Variants in CSMD1 observed in about 807,000 individuals in gnomAD.
CSMD1 encodes CUB and Sushi multiple domains 1.
Under a neutral mutation model 417.5 loss-of-function variants are expected in CSMD1, and 213 were observed. That is an observed-to-expected ratio of 0.51 (90% confidence interval 0.46 to 0.57). The LOEUF is 0.57. Among genes scored for constraint, CSMD1 ranks in the 20% least tolerant of loss-of-function variants. The pLI, the probability that CSMD1 is intolerant of heterozygous loss-of-function variation, is 0.00. For synonymous variants in CSMD1, 2,862 were observed against 1,736.8 expected, an observed-to-expected ratio of 1.65 and a Z score of -16.11; for missense variants, 6,923 against 4,529.7, an observed-to-expected ratio of 1.53 and a Z score of -15.17.
intron 4 of CSMD1, among the ~76,000 whole-genome samples, chr8:4,023,099 T>G (rs1162955351): frequency 6.6e-6 from 1 of 152,182 alleles, no homozygotes; most frequent in Non-Finnish European, 1.5e-5. Context: ...GAGCTTCAGC[T>G]AATGCAGTGG....
chr8:3,507,132 G>C (rs1796860302), intron 10 of CSMD1, among the ~76,000 whole-genome samples: 1 of 152,136 alleles, frequency 6.6e-6, no homozygotes, highest in South Asian at 2.1e-4. Context: ...TGAATAAACA[G>C]AATTTACATA....
At chr8:4,827,035 C>G (rs913804503) in intron 1 of CSMD1, among the ~76,000 whole-genome samples, 6 of 151,940 alleles carry the variant, frequency 3.9e-5, no homozygotes, top group Non-Finnish European at 7.4e-5. Flanking sequence ...ATGTTTGTAT[C>G]CATGGATGGC....
At chr8:4,802,296 A>T (rs1422859206) in intron 1 of CSMD1, among the ~76,000 whole-genome samples, 13 of 152,070 alleles carry the variant, frequency 8.5e-5, no homozygotes, top group Admixed American at 8.5e-4. Context: ...TTTCAGGCTC[A>T]TCTTGACCTA....
chr8:4,331,758 T>C (rs750445893), intron 3 of CSMD1, among the ~76,000 whole-genome samples: 1 of 152,196 alleles, frequency 6.6e-6, no homozygotes, highest in Non-Finnish European at 1.5e-5. Context: ...CTTCGGTCCA[T>C]GTGCCAAGTC....
At chr8:3,319,722 A>T (rs958893769) in intron 23 of CSMD1, among the ~76,000 whole-genome samples, 1 of 152,166 alleles carries the variant, frequency 6.6e-6, no homozygotes, top group African/African-American at 2.4e-5. Flanking sequence ...ATTGATAAAA[A>T]TGGTAAGAAA....
At chr8:3,513,859 G>C (rs757855082) in intron 10 of CSMD1, among the ~76,000 whole-genome samples, 7 of 152,128 alleles carry the variant, frequency 4.6e-5, no homozygotes, top group Non-Finnish European at 8.8e-5. Flanking sequence ...GAAGATCCTG[G>C]AGTATGAAAA....
chr8:4,121,963 A>C (rs1585360796), intron 3 of CSMD1, among the ~76,000 whole-genome samples: 2 of 152,084 alleles, frequency 1.3e-5, no homozygotes, highest in African/African-American at 4.8e-5. Context: ...TTTAAATTTT[A>C]ATAATGCTTA....
rs149225326 is a variant in CSMD1 at position 4,678,006 on chromosome 8, A to G, written c.86-40448T>C. ...GGTTTGATGTCAGAGACAGTGATAAACAAACAAATATAAAACCAAATGGGA... is the reference window on the plus strand; with the variant it reads ...GGTTTGATGTCAGAGACAGTGATAAGCAAACAAATATAAAACCAAATGGGA... On this transcript the variant is annotated intron_variant, in intron 1 of 69. Transcript: ENST00000635120. Among the ~76,000 whole-genome samples, 245 of 152,338 alleles carry G rather than the reference A, an allele frequency of 1.6e-3. 3 individuals carry two copies. Among genetic ancestry groups the G allele is most frequent in the African/African-American group, 5.7e-3 (238 of 41,580 alleles).
intron 2 of CSMD1, among the ~76,000 whole-genome samples, chr8:4,515,767 T>A (rs1803083035): frequency 6.6e-6 from 1 of 152,298 alleles, no homozygotes; most frequent in East Asian, 1.9e-4. Context: ...TGCAACTCTC[T>A]GTTTTATAAA....
intron 7 of CSMD1, among the ~76,000 whole-genome samples, chr8:3,666,795 G>T (rs947383542): frequency 6.6e-6 from 1 of 151,864 alleles, no homozygotes; most frequent in Non-Finnish European, 1.5e-5. Context: ...TCATGATTGT[G>T]AGGCCTCCTC....
At chr8:3,123,277 C>G (rs534311562) in intron 41 of CSMD1, among the ~76,000 whole-genome samples, 5 of 152,284 alleles carry the variant, frequency 3.3e-5, no homozygotes, top group African/African-American at 1.2e-4. Context: ...ACCGCTGCCT[C>G]TGCCAGGGAC....
At chr8:3,072,015 C>G (rs1041191297) in intron 49 of CSMD1, among the ~76,000 whole-genome samples, 1 of 152,158 alleles carries the variant, frequency 6.6e-6, no homozygotes, top group Admixed American at 6.5e-5. Flanking sequence ...AGAAAACAAG[C>G]ATGGTAAATG....
intron 2 of CSMD1, among the ~76,000 whole-genome samples, chr8:4,442,609 A>T (rs1242296119): frequency 1.3e-5 from 2 of 152,184 alleles, no homozygotes; most frequent in African/African-American, 4.8e-5. Context: ...GGCTAGAAAA[A>T]CAGAAGCAAG....
intron 3 of CSMD1, among the ~76,000 whole-genome samples, chr8:4,379,259 TA>T (rs1296713643): frequency 6.6e-6 from 1 of 152,126 alleles, no homozygotes; most frequent in Non-Finnish European, 1.5e-5. Flanking sequence ...TGGGACTTTT[TA>T]AAAAATAGGT....
intron 52 of CSMD1, 28 bp downstream of exon 52, chr8:3,018,445 TTAAG>T (rs1300463116): frequency 3.7e-6 from 6 of 1,602,538 alleles, no homozygotes; most frequent in Non-Finnish European, 4.3e-6. Flanking sequence ...TTTATCTGCA[TTAAG>T]TAAGTGCCAG....
In CSMD1 at chr8:4,374,516, G is replaced by C. The variant is rs116660202; in HGVS notation, c.415+45437C>G. Reference sequence around the variant, plus strand: ...GAGTGAGGAGAGAATGCCCACAGCAGATCTAGAGAGAAGAGGCTGGTCAGT... The same window carrying C: ...GAGTGAGGAGAGAATGCCCACAGCACATCTAGAGAGAAGAGGCTGGTCAGT... On this transcript the variant is annotated intron_variant, in intron 3 of 69. Coordinates refer to ENST00000635120, the MANE Select transcript of CSMD1 (RefSeq NM_033225.6). 8.1e-3 allele frequency among the ~76,000 whole-genome samples: 1,226 copies of C among 152,190 alleles called. 15 individuals are homozygous for C. The highest frequency in any genetic ancestry group is 0.027 in the African/African-American group (1,134 of 41,520).
chr8:3,819,692 T>G (rs1004016482), intron 5 of CSMD1, among the ~76,000 whole-genome samples: 5 of 152,140 alleles, frequency 3.3e-5, no homozygotes, highest in Admixed American at 1.3e-4. Context: ...TCTTAGGTGA[T>G]CCTCCAATCT....
intron 3 of CSMD1, among the ~76,000 whole-genome samples, chr8:4,106,512 G>A (rs1216923306): frequency 3.9e-5 from 6 of 152,060 alleles, no homozygotes; most frequent in African/African-American, 7.2e-5. Context: ...GAAACAGAAT[G>A]AGAGCCTCCT....
At chr8:3,539,001 T>G (rs1192062322) in intron 10 of CSMD1, among the ~76,000 whole-genome samples, 1 of 152,066 alleles carries the variant, frequency 6.6e-6, no homozygotes, top group Admixed American at 6.5e-5. Context: ...CTCATTGAAG[T>G]GAAAATAAAA....
Sources: allele counts gnomAD v4.1 joint callset (sites outside exome capture counted in the v4.1 genomes callset), GRCh38; gene constraint gnomAD v4.1.1; transcripts MANE v1.5; gene names NCBI Gene and HGNC (gene_info 2026-07-23, HGNC 2026-07-21).